The following HS1BP3 variants were observed in gnomAD, a reference collection of about 807,000 sequenced individuals.
HS1BP3 encodes HCLS1 binding protein 3.
A neutral mutation model predicts 33.5 loss-of-function variants in HS1BP3; 32 were observed. The observed-to-expected ratio is 0.95, with a 90% CI of 0.72 to 1.28. The LOEUF is 1.28. Among genes scored for constraint, HS1BP3 ranks in the 50% most tolerant of loss-of-function variants. The probability of loss-of-function intolerance (pLI) is 0.00; values close to 1 mark genes in which losing one functional copy is unlikely to be tolerated. For missense variants in HS1BP3, 486 were observed against 502.3 expected (o/e 0.97, Z 0.31); for synonymous variants, 187 against 209.2 (o/e 0.89, Z 0.92).
chr2:20,635,750 C>G (rs1002709568), intron 4 of HS1BP3: 2 of 152,190 alleles, frequency 1.3e-5, no homozygotes, highest in Non-Finnish European at 2.9e-5. Flanking sequence ...GCTGCTGGGA[C>G]GGGGTCAGAA....
intron 2 of HS1BP3, among the ~76,000 whole-genome samples, chr2:20,605,778 T>G (rs540855880): frequency 1.3e-5 from 2 of 152,382 alleles, no homozygotes; most frequent in South Asian, 4.1e-4. Flanking sequence ...ACTAATACTT[T>G]AGGGCTGTTC....
chr2:20,593,785 T>G (rs1294344774), intron 3 of HS1BP3, among the ~76,000 whole-genome samples: 2 of 152,212 alleles, frequency 1.3e-5, no homozygotes, highest in Non-Finnish European at 2.9e-5. Context: ...CTGCCCCTGC[T>G]GGTCCCTGGA....
intron 5 of HS1BP3, among the ~76,000 whole-genome samples, chr2:20,577,818 C>G (rs192196692): frequency 1.1e-4 from 17 of 152,332 alleles, no homozygotes; most frequent in African/African-American, 4.1e-4. Context: ...CTCCCCGGCA[C>G]TGGGGCTGGA....
chr2:20,631,914 C>T (rs1442476855), intron 4 of HS1BP3, among the ~76,000 whole-genome samples: 3 of 152,204 alleles, frequency 2.0e-5, no homozygotes, highest in Non-Finnish European at 4.4e-5. Context: ...GAACTCTGAC[C>T]CACAGTCTGC....
At chr2:20,644,117 A>G (rs1237290314) in intron 2 of HS1BP3, among the ~76,000 whole-genome samples, 1 of 152,044 alleles carries the variant, frequency 6.6e-6, no homozygotes, top group East Asian at 1.9e-4. Context: ...TGTCCTAATA[A>G]TCCTGGACCT....
intron 2 of HS1BP3, among the ~76,000 whole-genome samples, chr2:20,642,889 A>G (rs1181799313): frequency 6.6e-6 from 1 of 152,210 alleles, no homozygotes; most frequent in East Asian, 1.9e-4. Flanking sequence ...TAACGTTAGT[A>G]AGCTTGTGGG....
downstream of HS1BP3, among the ~76,000 whole-genome samples, chr2:20,558,753 T>A (rs1692901148): frequency 6.6e-6 from 1 of 151,984 alleles, no homozygotes; most frequent in African/African-American, 2.4e-5. Context: ...TGGAGCAAGA[T>A]GGTTACAGGG....
intron 3 of HS1BP3, among the ~76,000 whole-genome samples, chr2:20,595,496 G>A (rs866206212): frequency 1.3e-5 from 2 of 152,204 alleles, no homozygotes; most frequent in Non-Finnish European, 2.9e-5. Flanking sequence ...GGCAGCAGGA[G>A]GGCTTCCTGG....
intron 1 of HS1BP3, among the ~76,000 whole-genome samples, chr2:20,650,451 C>T (rs570754628): frequency 6.6e-6 from 1 of 152,356 alleles, no homozygotes; most frequent in Non-Finnish European, 1.5e-5. Context: ...CTGTAACTTG[C>T]GCTCTCCTGA....
chr2:20,562,959 G>A (rs895550253), intron 5 of HS1BP3, among the ~76,000 whole-genome samples: 6 of 152,110 alleles, frequency 3.9e-5, no homozygotes, highest in African/African-American at 7.2e-5. Flanking sequence ...TCCCCAGTAC[G>A]CGACACCAGT....
chr2:20,580,435 C>A (rs933553540), intron 5 of HS1BP3, among the ~76,000 whole-genome samples: 10 of 152,042 alleles, frequency 6.6e-5, no homozygotes, highest in Non-Finnish European at 1.5e-5. Context: ...AGGAGAATTG[C>A]TTGAACCTGG....
At chr2:20,600,439 G>A (rs1694047215) in intron 2 of HS1BP3, among the ~76,000 whole-genome samples, 1 of 152,184 alleles carries the variant, frequency 6.6e-6, no homozygotes, top group Admixed American at 6.5e-5. Flanking sequence ...TCAAGTCACA[G>A]AGAACCCAGC....
At chr2:20,567,377 C>T (rs190341049) in intron 5 of HS1BP3, among the ~76,000 whole-genome samples, 22 of 152,310 alleles carry the variant, frequency 1.4e-4, no homozygotes, top group Admixed American at 1.1e-3. Flanking sequence ...TGCCTGAGGC[C>T]AGGCCAGTCA....
chr2:20,569,450 G>T (rs57203893), intron 5 of HS1BP3, among the ~76,000 whole-genome samples: 19,394 of 152,136 alleles, frequency 0.13, 2,130 homozygotes, highest in African/African-American at 0.31. Context: ...ATTTGACAAA[G>T]AAATATATCA....
intron 5 of HS1BP3, among the ~76,000 whole-genome samples, chr2:20,574,832 T>C (rs1030624657): frequency 2.6e-5 from 4 of 152,180 alleles, no homozygotes; most frequent in Non-Finnish European, 1.5e-5. Context: ...TCCACTGAAC[T>C]GAGCTAGGAG....
chr2:20,570,347 G>C (rs910385853), intron 5 of HS1BP3, among the ~76,000 whole-genome samples: 19 of 152,222 alleles, frequency 1.2e-4, no homozygotes, highest in African/African-American at 4.1e-4. Flanking sequence ...AATGATCGCC[G>C]TCAGGTTGCT....
At chr2:20,554,274 TC>T in the HS1BP3 span, among the ~76,000 whole-genome samples, 9 of 151,974 alleles carry the variant, frequency 5.9e-5, no homozygotes, top group African/African-American at 2.2e-4. Flanking sequence ...ACACAAGAGA[TC>T]CATGGAGAAT....
intron 4 of HS1BP3, among the ~76,000 whole-genome samples, chr2:20,628,464 A>G (rs1455843466): frequency 5.3e-5 from 8 of 152,084 alleles, no homozygotes; most frequent in Non-Finnish European, 1.2e-4. Context: ...ATGAAATCCC[A>G]TCTCTACTAA....
At chr2:20,553,944 T>C in the HS1BP3 span, among the ~76,000 whole-genome samples, 1 of 152,206 alleles carries the variant, frequency 6.6e-6, no homozygotes, top group Admixed American at 6.5e-5. Context: ...GCCATGAGAT[T>C]CCTGGGCCAG....
Sources: gnomAD v4.1 joint callset for allele counts (sites outside exome capture counted in the v4.1 genomes callset) on GRCh38, gnomAD v4.1.1 for gene constraint, MANE v1.5 for transcripts, NCBI Gene and HGNC (gene_info 2026-07-23, HGNC 2026-07-21) for gene names.